NELFB: variants seen among roughly 807,000 people sequenced by gnomAD.
NELFB encodes the protein negative elongation factor complex member B.
Under a neutral mutation model 60.2 loss-of-function variants are expected in NELFB, and 34 were observed. That is an observed-to-expected ratio of 0.56 (90% CI 0.43 to 0.75). The LOEUF (loss-of-function observed/expected upper bound fraction) is 0.75. Ranked by LOEUF, NELFB falls within the 30% of genes least tolerant of loss-of-function variation. The pLI is 0.00. For missense variants in NELFB, 770 were observed against 831.6 expected (o/e 0.93, Z 0.91); for synonymous variants, 459 against 382.1 (o/e 1.20, Z -2.35).
At chr9:137,258,118 GTTTTT>G (rs56338605) in intron 4 of NELFB, among the ~76,000 whole-genome samples, 32 of 84,458 alleles carry the variant, frequency 3.8e-4, no homozygotes, top group Non-Finnish European at 4.8e-4. Context: ...ATTTGTTGGG[GTTTTT>G]TTTTTTTTTT....
At chr9:137,257,404 C>G (rs1470334427) in intron 4 of NELFB, among the ~76,000 whole-genome samples, 1 of 152,138 alleles carries the variant, frequency 6.6e-6, no homozygotes, top group Non-Finnish European at 1.5e-5. Flanking sequence ...TCTCGGCTCA[C>G]TGCAAGCTCC....
intron 8 of NELFB, 136 bp from the exon 9 acceptor site, chr9:137,266,808 T>A: frequency 1.0e-6 from 1 of 963,852 alleles, no homozygotes; most frequent in South Asian, 1.6e-5. Context: ...AAGAGGGACC[T>A]GGGGACCTGG....
chr9:137,267,981 G>C (rs1451794517), intron 10 of NELFB, among the ~76,000 whole-genome samples: 1 of 152,224 alleles, frequency 6.6e-6, no homozygotes, highest in African/African-American at 2.4e-5. Flanking sequence ...CCCTGCCCCA[G>C]TGCCCCACCC....
At chr9:137,260,966 G>A (rs1830432350) in intron 4 of NELFB, among the ~76,000 whole-genome samples, 1 of 151,828 alleles carries the variant, frequency 6.6e-6, no homozygotes, top group African/African-American at 2.4e-5. Flanking sequence ...GGCTGAGGCA[G>A]GAGAATCACT....
chr9:137,265,357 A>G (rs1213788750), intron 6 of NELFB, among the ~76,000 whole-genome samples: 1 of 145,104 alleles, frequency 6.9e-6, no homozygotes, highest in Non-Finnish European at 1.5e-5. Context: ...AAATCTTTGA[A>G]TAGGTTAAGG....
At chr9:137,263,748 C>A (rs1830485624) in intron 5 of NELFB, among the ~76,000 whole-genome samples, 1 of 152,026 alleles carries the variant, frequency 6.6e-6, no homozygotes, top group South Asian at 2.1e-4. Flanking sequence ...TTCTGTGTTC[C>A]CGAGGGCTGT....
At chr9:137,267,404 G>C in intron 10 of NELFB, 58 bp downstream of exon 10, 1 of 1,506,362 alleles carries the variant, frequency 6.6e-7, no homozygotes, top group African/African-American at 1.4e-5. Context: ...GCCGTATGCA[G>C]TCCTGCCCAG....
intron 4 of NELFB, 114 bp downstream of exon 4, chr9:137,257,168 G>C (rs913063291): frequency 1.9e-5 from 17 of 904,184 alleles, no homozygotes; most frequent in Middle Eastern, 3.0e-4. Context: ...GGGTGGTTCT[G>C]CTTCTTGGCT....
rs1472270232 is a variant in NELFB at position 137,257,167 on chromosome 9, T to A, written c.741+113T>A. ...TGCCCTGTGAATGATCGGGTGGTTC[T>A]GCTTCTTGGCTGGGTGGTGGGGGAG... On this transcript the variant is annotated intron_variant, in intron 4 of 12. Coordinates refer to ENST00000343053, the MANE Select transcript of NELFB (RefSeq NM_015456.5). 1.5e-5 allele frequency: 14 copies of A among 925,758 alleles called. No homozygotes were observed. The African/African-American group carries it at 2.1e-4, about 14-fold the overall frequency. The allele number at this position is 925,758 out of a possible 1,614,324, so 57.3% of individuals were successfully genotyped here.
At chr9:137,259,329 G>T (rs566204687) in intron 4 of NELFB, among the ~76,000 whole-genome samples, 51 of 152,352 alleles carry the variant, frequency 3.3e-4, no homozygotes, top group African/African-American at 1.2e-3. Flanking sequence ...TGTGGCTCTG[G>T]GTTCCCTTCG....
chr9:137,264,887 C>T (rs753845770), intron 6 of NELFB, among the ~76,000 whole-genome samples: 1 of 152,160 alleles, frequency 6.6e-6, no homozygotes, highest in Non-Finnish European at 1.5e-5. Flanking sequence ...GGAGCCAGGC[C>T]CAGGGGCTGG....
At chr9:137,261,703 A>G (rs956132397) in intron 4 of NELFB, among the ~76,000 whole-genome samples, 1 of 151,788 alleles carries the variant, frequency 6.6e-6, no homozygotes, top group Non-Finnish European at 1.5e-5. Flanking sequence ...GACCAGCCCC[A>G]CAGGGTTGAT....
intron 11 of NELFB, 60 bp downstream of exon 11, chr9:137,272,282 C>T (rs1830593315): frequency 1.3e-6 from 2 of 1,596,908 alleles, no homozygotes; most frequent in East Asian, 2.2e-5. Context: ...CCGTAGCAGC[C>T]TGAGAGGTGG....
Position 137,262,030 on chromosome 9 carries a change from G to A in NELFB, c.742-1007G>A, listed in dbSNP as rs145030268. Among the ~76,000 whole-genome samples, 14 of 152,250 alleles carry A rather than the reference G, an allele frequency of 9.2e-5. 1 individual carries two copies. In the South Asian group the frequency reaches 1.0e-3, roughly 11 times the overall value. ...AAACAGCTTACGCCGTTATTTCTGC[G>A]TATCAGAGACTTTTAGTACTTTCAC... On this transcript the variant is annotated intron_variant, in intron 4 of 12. Transcript: ENST00000343053.
At chr9:137,267,381 C>T in intron 10 of NELFB, 35 bp downstream of exon 10, 1 of 1,561,410 alleles carries the variant, frequency 6.4e-7, no homozygotes, top group Non-Finnish European at 8.7e-7. Flanking sequence ...GCTGTGTCTT[C>T]CCTGCGGCAG....
At chr9:137,267,450 C>T (rs1830535332) in intron 10 of NELFB, 104 bp downstream of exon 10, 2 of 825,714 alleles carry the variant, frequency 2.4e-6, no homozygotes, top group Non-Finnish European at 3.8e-6. Flanking sequence ...GCTGCCTTGT[C>T]TCCCCAGCCC....
intron 4 of NELFB, among the ~76,000 whole-genome samples, chr9:137,260,601 C>T (rs1307624179): frequency 6.6e-6 from 1 of 151,234 alleles, no homozygotes; most frequent in Non-Finnish European, 1.5e-5. Flanking sequence ...TACAGGCACC[C>T]ACCACCACGC....
Position 137,267,000 on chromosome 9 carries a change from C to G in NELFB, c.1296C>G (p.Asp432Glu). 6.2e-7 allele frequency: 1 copy of G among 1,614,034 alleles called. No homozygotes were observed. Among genetic ancestry groups the G allele is most frequent in the Non-Finnish European group, 8.5e-7 (1 of 1,180,000 alleles). ...TGCTCATGTCCTTCCTGGTGGATGA[C>G]TACACTTTCAATGTGGATCAGAAAC... Residue 432 changes from aspartate (D) to glutamate (E), a missense_variant, in exon 9 of 13, where the codon GAC (aspartate) becomes GAG (glutamate). Physicochemically the swap from Asp to Glu is conservative, Grantham distance 45. Transcript: ENST00000343053.
At chr9:137,262,968 G>T (rs746714495) in intron 4 of NELFB, 69 bp from the exon 5 acceptor site, 5 of 1,548,746 alleles carry the variant, frequency 3.2e-6, no homozygotes. Flanking sequence ...CGCTGTCGCC[G>T]GGCGTGACGT....
Sources: allele counts gnomAD v4.1 joint callset (sites outside exome capture counted in the v4.1 genomes callset), GRCh38; gene constraint gnomAD v4.1.1; transcripts MANE v1.5; gene names NCBI Gene and HGNC (gene_info 2026-07-23, HGNC 2026-07-21).